Variants in CUX2 observed in about 807,000 individuals in gnomAD.
The protein encoded by CUX2 is homeobox protein cut-like 2.
Under a neutral mutation model 144.8 loss-of-function variants are expected in CUX2, and 40 were observed. The observed-to-expected ratio is 0.28, with a 90% CI of 0.21 to 0.36. The LOEUF is 0.36. Ranked by LOEUF, CUX2 falls within the 10% of genes least tolerant of loss-of-function variation. CUX2 has a pLI of 1.00. For synonymous variants in CUX2, 827 were observed against 875.6 expected (o/e 0.94, Z 0.98); for missense variants, 1,615 against 1,994.0 (o/e 0.81, Z 3.62).
chr12:111,217,757 A>C (rs904088999), intron 2 of CUX2, 133 bp from the exon 3 acceptor site: 35 of 902,068 alleles, frequency 3.9e-5, no homozygotes, highest in Middle Eastern at 3.1e-4. Flanking sequence ...CCCTTGTGAA[A>C]TCCAATGGAG....
rs1359905002 is a variant in CUX2, at chr12:111,249,437, C to CTTT, written c.223-14319_223-14317dup. ...TTTTTTTTTTTTAAATTAATAGACC[C>CTTT]TTTTTTTGTTTTTTTTTTTTTTTTT... On this transcript the variant is annotated intron_variant, in intron 3 of 21. Coordinates refer to ENST00000261726, the MANE Select transcript of CUX2 (RefSeq NM_015267.4). 5.4e-4 allele frequency among the ~76,000 whole-genome samples: 55 copies of CTTT among 101,190 alleles called. 2 individuals are homozygous for CTTT. The highest frequency in any genetic ancestry group is 1.6e-3 in the African/African-American group (31 of 18,798). The allele number at this position is 101,190 out of a possible 152,430, so 66.4% of individuals were successfully genotyped here.
intron 1 of CUX2, among the ~76,000 whole-genome samples, chr12:111,175,480 A>ATT (rs1324022867): frequency 2.6e-5 from 4 of 152,060 alleles, no homozygotes; most frequent in African/African-American, 9.7e-5. Flanking sequence ...TTACTGGGAA[A>ATT]TGGTCAAGTG....
In CUX2 at chr12:111,203,086, G is replaced by A. The variant is rs560660290; in HGVS notation, c.64-11114G>A. 9.6e-4 allele frequency among the ~76,000 whole-genome samples: 146 copies of A among 152,098 alleles called. No homozygotes were observed. In the Middle Eastern group the frequency reaches 0.031, roughly 32 times the overall value. On this transcript the variant is annotated intron_variant, in intron 1 of 21. Coordinates refer to ENST00000261726, the MANE Select transcript of CUX2 (RefSeq NM_015267.4). ...ATCTCTACTAAAAATATAAAAATTC[G>A]CTGGGCGTGGTGGCACACGCCTGTA... is the stretch of plus-strand genomic sequence containing the variant.
chr12:111,330,815 T>A (rs1888094273), intron 18 of CUX2, among the ~76,000 whole-genome samples: 2 of 142,116 alleles, frequency 1.4e-5, no homozygotes, highest in African/African-American at 2.5e-5. Flanking sequence ...AAGTACTCAA[T>A]AAAGGGAATT....
rs533849905 is a variant in CUX2 at position 111,072,758 on chromosome 12, C to T, written c.63+38518C>T. Among the ~76,000 whole-genome samples, 222 of 152,324 alleles carry T rather than the reference C, an allele frequency of 1.5e-3. 1 individual carries two copies. The highest frequency in any genetic ancestry group is 2.6e-3 in the Non-Finnish European group (175 of 68,034). On this transcript the variant is annotated intron_variant, in intron 1 of 21. Coordinates refer to ENST00000261726, the MANE Select transcript of CUX2 (RefSeq NM_015267.4). ...TACAGTCTCTGGTTCTATTTATGTCCTCTTCCCAGCCCCATCAAGGCAGGG... is the reference window on the plus strand; with the variant it reads ...TACAGTCTCTGGTTCTATTTATGTCTTCTTCCCAGCCCCATCAAGGCAGGG...
intron 1 of CUX2, among the ~76,000 whole-genome samples, chr12:111,188,049 G>A (rs2136190363): frequency 6.6e-6 from 1 of 152,364 alleles, no homozygotes; most frequent in Middle Eastern, 3.4e-3. Flanking sequence ...GCCAGGCTGT[G>A]TGGCATAGCC....
At chr12:111,075,653 C>T (rs1361240967) in intron 1 of CUX2, among the ~76,000 whole-genome samples, 1 of 152,092 alleles carries the variant, frequency 6.6e-6, no homozygotes, top group African/African-American at 2.4e-5. Context: ...TGTCTTTTTA[C>T]TTATTTGGGC....
intron 1 of CUX2, among the ~76,000 whole-genome samples, chr12:111,167,738 AGGCTGGAGTGCAGT>A (rs2136161411): frequency 6.6e-6 from 1 of 152,142 alleles, no homozygotes; most frequent in South Asian, 2.1e-4. Flanking sequence ...TCTGTTGCCC[AGGCTGGAGTGCAGT>A]GGCATGATCT....
At chr12:111,252,468 C>G (rs568745816) in intron 3 of CUX2, among the ~76,000 whole-genome samples, 5 of 152,292 alleles carry the variant, frequency 3.3e-5, no homozygotes, top group Admixed American at 3.3e-4. Context: ...GGGGCACATC[C>G]TGGGCCTCTG....
chr12:111,328,975 C>CTCTCT (rs1491501890), intron 18 of CUX2, among the ~76,000 whole-genome samples: 19 of 65,666 alleles, frequency 2.9e-4, no homozygotes, highest in African/African-American at 1.6e-3. Flanking sequence ...CTCTCTCTCT[C>CTCTCT]CCCCTCTCTC....
At position 111,296,074 on chromosome 12, in the gene CUX2, G is replaced by T. The variant is rs73416638; in HGVS notation, c.638-399G>T. ...CGGCCTGCCAGGTTGGAACCTCGGG[G>T]TGGTTGAACACCTCGGGATGGATGG... On this transcript the variant is annotated intron_variant, in intron 7 of 21. Coordinates refer to ENST00000261726, the MANE Select transcript of CUX2 (RefSeq NM_015267.4). Among the ~76,000 whole-genome samples, 526 of 152,264 alleles carry T rather than the reference G, an allele frequency of 3.5e-3. 3 individuals are homozygous for T. Among genetic ancestry groups the T allele is most frequent in the African/African-American group, 0.012 (501 of 41,540 alleles).
At chr12:111,067,491 CTCTT>C (rs939416179) in intron 1 of CUX2, among the ~76,000 whole-genome samples, 7 of 152,194 alleles carry the variant, frequency 4.6e-5, no homozygotes, top group Admixed American at 3.3e-4. Flanking sequence ...GGCATTCTCT[CTCTT>C]TATCGTTTGA....
At position 111,169,014 on chromosome 12, in the gene CUX2, C is replaced by T. The variant is rs190929597; in HGVS notation, c.64-45186C>T. Among the ~76,000 whole-genome samples, 56 of 152,136 alleles carry T rather than the reference C, an allele frequency of 3.7e-4. 1 individual carries two copies. The East Asian group carries it at 7.0e-3, about 19-fold the overall frequency. ...CCTCTGTCCTGCATTGAATGGCATC[C>T]GCCAAAATTCATGTCCACCTAGAAC... On this transcript the variant is annotated intron_variant, in intron 1 of 21. Transcript: ENST00000261726.
rs1426047217 is a variant in CUX2 at position 111,289,881 on chromosome 12, G to T, written c.302-1537G>T. ...AGGCTGGGAGAGCTCGCGGAGAGGTGGGGCAGCTGCCTGGGAGCATCTAGA... is the reference window on the plus strand; with the variant it reads ...AGGCTGGGAGAGCTCGCGGAGAGGTTGGGCAGCTGCCTGGGAGCATCTAGA... On this transcript the variant is annotated intron_variant, in intron 4 of 21. Coordinates refer to ENST00000261726, the MANE Select transcript of CUX2 (RefSeq NM_015267.4). This position sits in a 1 kb window ranked among gnomAD's most constrained non-coding sequence, Gnocchi z 4.1. Among the ~76,000 whole-genome samples, 1 of 152,066 alleles carries T rather than the reference G, an allele frequency of 6.6e-6. No individual in the cohort carries two copies. Among genetic ancestry groups the T allele is most frequent in the Non-Finnish European group, 1.5e-5 (1 of 68,024 alleles).
intron 1 of CUX2, among the ~76,000 whole-genome samples, chr12:111,209,831 C>T (rs1283379460): frequency 6.6e-6 from 1 of 152,204 alleles, no homozygotes; most frequent in Non-Finnish European, 1.5e-5. Context: ...GCACATTGGC[C>T]CGAGCCTCAG....
In CUX2 at chr12:111,035,171, C is replaced by T. The variant is rs568833186; in HGVS notation, c.63+931C>T. ...GCTTGTTCTGCCTCCTGCGTTTCTC[C>T]CCGCTGCTCCCCTCGTCTCCTCTCT... On this transcript the variant is annotated intron_variant, in intron 1 of 21. Coordinates refer to ENST00000261726, the MANE Select transcript of CUX2 (RefSeq NM_015267.4). The surrounding 1 kb of genome is among the most constrained non-coding windows in gnomAD (Gnocchi z 6.0). 3.3e-5 allele frequency among the ~76,000 whole-genome samples: 5 copies of T among 152,344 alleles called. No individual in the cohort carries two copies. Among genetic ancestry groups the T allele is most frequent in the African/African-American group, 1.2e-4 (5 of 41,586 alleles).
chr12:111,303,958 C>A (rs888528225), intron 9 of CUX2, among the ~76,000 whole-genome samples: 2 of 152,170 alleles, frequency 1.3e-5, no homozygotes, highest in Non-Finnish European at 2.9e-5. Flanking sequence ...GAACCCAGAA[C>A]CTCCTCAGAG....
At chr12:111,247,485 G>A (rs1055697616) in intron 3 of CUX2, among the ~76,000 whole-genome samples, 4 of 152,234 alleles carry the variant, frequency 2.6e-5, no homozygotes, top group African/African-American at 9.6e-5. Flanking sequence ...AGGGGAGGCC[G>A]CTGCCACTTG....
intron 1 of CUX2, among the ~76,000 whole-genome samples, chr12:111,142,969 G>A (rs1371696104): frequency 2.0e-5 from 3 of 152,176 alleles, no homozygotes; most frequent in African/African-American, 7.2e-5. Flanking sequence ...TTCTCCGAGT[G>A]CCTAGAAGGT....
Sources: gnomAD v4.1 joint callset for allele counts (sites outside exome capture counted in the v4.1 genomes callset) on GRCh38, gnomAD v4.1.1 for gene constraint, Gnocchi (gnomAD v3.1) non-coding constraint, MANE v1.5 for transcripts, NCBI Gene and HGNC (gene_info 2026-07-23, HGNC 2026-07-21) for gene names.